Variants in GPR142 observed in about 807,000 individuals in gnomAD.
GPR142 encodes G protein-coupled receptor 142.
GPR142 carries 9 observed loss-of-function variants against 10.6 expected under a neutral mutation model. The ratio of observed to expected loss-of-function variants is 0.85; its 90% CI spans 0.51 to 1.48. The LOEUF is 1.48. GPR142 is among the 40% of genes most tolerant of loss of function. The pLI, the probability that GPR142 is intolerant of heterozygous loss-of-function variation, is 0.00. For synonymous variants in GPR142, 202 were observed against 221.2 expected (o/e 0.91, Z 0.77); for missense variants, 482 against 506.0 (o/e 0.95, Z 0.45).
chr17:74,371,893 C>T lies in GPR142; in HGVS notation c.418C>T (p.Gln140Ter), dbSNP rs2055029681. Residue 140 changes from glutamine (Q) to a stop codon, truncating the protein, a stop_gained, in exon 4 of 4, where the codon CAG (glutamine) becomes TAG (stop). Coordinates refer to ENST00000582579, the MANE Select transcript of GPR142 (RefSeq NM_001331076.1). LOFTEE classifies it low-confidence loss of function (END_TRUNC). ...QGAVLARQVP[Q>*]AVVRTANILE... is the part of the protein sequence containing the mutation. ...AGCAGTGCTGGCCCGCCAGGTGCCC[C>T]AGGCTGTGGTGCGCACGGCCAACAT... The T allele has an allele frequency of 6.2e-7, 1 of 1,613,286 alleles. No individual in the cohort carries two copies. Among genetic ancestry groups the T allele is most frequent in the Non-Finnish European group, 8.5e-7 (1 of 1,180,010 alleles).
Position 74,367,547 on chromosome 17 carries a change from G to A in GPR142, c.-321G>A. 6.2e-7 allele frequency: 1 copy of A among 1,614,090 alleles called. No individual in the cohort carries two copies. The highest frequency in any genetic ancestry group is 2.2e-5 in the East Asian group (1 of 44,884). ...TGCCCATGGAGCAAAAGATCCAGTG[G>A]GTCCCCACTTCCCTGCAGGACATCA... On this transcript the variant is annotated 5_prime_UTR_variant, in exon 1 of 4. It introduces an in-frame stop codon into an upstream open reading frame of the 5' UTR. Transcript: ENST00000582579.
chr17:74,369,481 G>C lies in GPR142; in HGVS notation c.-60G>C, dbSNP rs76896732. ...CTGCACTAACAGGCTCAGTGTCTGC[G>C]TAAGGATCCTGGGGCAAACAACCAC... On this transcript the variant is annotated 5_prime_UTR_variant, in exon 2 of 4. Coordinates refer to ENST00000582579, the MANE Select transcript of GPR142 (RefSeq NM_001331076.1). The C allele has an allele frequency of 5.1e-6, 8 of 1,557,128 alleles. No individual in the cohort carries two copies. The highest frequency in any genetic ancestry group is 2.4e-5 in the South Asian group (2 of 84,456).
intron 1 of GPR142, 87 bp downstream of exon 1, chr17:74,367,881 CAGG>C: frequency 1.6e-6 from 2 of 1,280,606 alleles, no homozygotes; most frequent in Non-Finnish European, 2.1e-6. Flanking sequence ...GCTCTGAATC[CAGG>C]GAGCTCTAGT....
Position 74,369,505 on chromosome 17 carries a change from A to AAGTG in GPR142, c.-36_-35insAGTG. The AAGTG allele has an allele frequency of 6.4e-7, 1 of 1,558,842 alleles. No individual in the cohort carries two copies. Among genetic ancestry groups the AAGTG allele is most frequent in the East Asian group, 2.4e-5 (1 of 41,714 alleles). ...CGTAAGGATCCTGGGGCAAACAACC[A>AAGTG]CTTGGAGAGCCAAGGGGTGAGAGGT... On this transcript the variant is annotated 5_prime_UTR_variant, in exon 2 of 4. Coordinates refer to ENST00000582579, the MANE Select transcript of GPR142 (RefSeq NM_001331076.1).
At position 74,369,811 on chromosome 17, in the gene GPR142, C is replaced by T. The variant is rs149211645; in HGVS notation, c.94+177C>T. Among the ~76,000 whole-genome samples, 58 of 152,264 alleles carry T rather than the reference C, an allele frequency of 3.8e-4. No individual in the cohort carries two copies. In the East Asian group the frequency reaches 9.1e-3, roughly 24 times the overall value. On this transcript the variant is annotated intron_variant, in intron 2 of 3. Transcript: ENST00000582579. Reference sequence around the variant, plus strand: ...GCTGGAGTTCAGCCTGAAAGAGACGCGCAGTGTGGCTTCAGGGGAACAGGG... The same window carrying T: ...GCTGGAGTTCAGCCTGAAAGAGACGTGCAGTGTGGCTTCAGGGGAACAGGG...
In GPR142 at chr17:74,372,495, C is replaced by T. The variant is rs372074268; in HGVS notation, c.1020C>T (p.Val340=). 3 of 1,613,596 alleles carry T rather than the reference C, an allele frequency of 1.9e-6. No homozygotes were observed. The highest frequency in any genetic ancestry group is 2.7e-5 in the African/African-American group (2 of 74,962). The change falls in exon 4 of 4, where the codon GTC becomes GTT. Residue 340 remains valine, a synonymous_variant. Coordinates refer to ENST00000582579, the MANE Select transcript of GPR142 (RefSeq NM_001331076.1). Reference sequence around the variant, plus strand: ...CTTTCCGGGCCACTGTCCGACAGGTCATCCACGATGCCTACCTGCCCTGCA... The same window carrying T: ...CTTTCCGGGCCACTGTCCGACAGGTTATCCACGATGCCTACCTGCCCTGCA... ...SKTFRATVRQ[V]IHDAYLPCTL...
In GPR142 at chr17:74,370,654, T is replaced by A. The variant is rs781104565; in HGVS notation, c.228T>A (p.Ser76Arg). The change falls in exon 3 of 4, where the codon AGT becomes AGA. Residue 76 changes from serine (S) to arginine (R), a missense_variant. By Grantham distance (110) the Ser-to-Arg change is moderately radical. Transcript: ENST00000582579. The part of the protein sequence containing the change: ...VAGVIPVIYY[S>R]VLLGLGLPVS... ...GCGTCATCCCTGTCATCTACTACAG[T>A]GTCCTGCTGGGCTTGGGGCTGCCTG... 6.2e-7 allele frequency: 1 copy of A among 1,613,370 alleles called. No homozygotes were observed. Among genetic ancestry groups the A allele is most frequent in the Admixed American group, 1.7e-5 (1 of 59,934 alleles).
chr17:74,372,376 G>A lies in GPR142; in HGVS notation c.901G>A (p.Asp301Asn), dbSNP rs757337190. 2.5e-6 allele frequency: 4 copies of A among 1,614,112 alleles called. No individual in the cohort carries two copies. The highest frequency in any genetic ancestry group is 1.7e-5 in the Admixed American group (1 of 60,026). ...CATGTACGTGGCCCCTGTCCACCGG[G>A]ACTGGAGGGTCCACCTGGCCTTGGA... ...YHMYVAPVHR[D>N]WRVHLALDVA... The change falls in exon 4 of 4, where the codon GAC (aspartate) becomes AAC (asparagine). Residue 301 changes from aspartate to asparagine, a missense_variant. By Grantham distance (23) the Asp-to-Asn change is conservative. Transcript: ENST00000582579.
chr17:74,369,047 A>G (rs984622897), intron 1 of GPR142, among the ~76,000 whole-genome samples: 4 of 151,428 alleles, frequency 2.6e-5, no homozygotes, highest in East Asian at 1.9e-4. Flanking sequence ...GACTTCCCCA[A>G]CTCCTCACAG....
Position 74,371,719 on chromosome 17 carries a change from C to A in GPR142, c.254-10C>A. On this transcript the variant is annotated splice_polypyrimidine_tract_variant and intron_variant, in intron 3 of 3. Transcript: ENST00000582579. ...ATGCCTCTCCCCTCCCTCACCTCGG[C>A]TGCCCTCAGTCAGCCTCCTGACCGC... The A allele has an allele frequency of 6.3e-7, 1 of 1,587,646 alleles. No homozygotes were observed. Among genetic ancestry groups the A allele is most frequent in the Admixed American group, 1.7e-5 (1 of 59,596 alleles).
rs140706912 is a variant in GPR142, at chr17:74,367,535, A to G, written c.-333A>G. On this transcript the variant is annotated 5_prime_UTR_variant, in exon 1 of 4. Transcript: ENST00000582579. ...GTATTATGATGTTGCCCATGGAGCA[A>G]AAGATCCAGTGGGTCCCCACTTCCC... is the stretch of plus-strand genomic sequence containing the variant. The G allele has an allele frequency of 9.3e-6, 15 of 1,614,050 alleles. No individual in the cohort carries two copies. The African/African-American group carries it at 2.0e-4, about 22-fold the overall frequency.
Position 74,367,777 on chromosome 17 carries a change from C to T in GPR142, c.-91C>T. The T allele has an allele frequency of 6.2e-7, 1 of 1,608,288 alleles. No homozygotes were observed. Among genetic ancestry groups the T allele is most frequent in the Non-Finnish European group, 8.5e-7 (1 of 1,176,516 alleles). On this transcript the variant is annotated 5_prime_UTR_variant, in exon 1 of 4. Coordinates refer to ENST00000582579, the MANE Select transcript of GPR142 (RefSeq NM_001331076.1). ...AATCCAGCTGCCTCCCAGAACAGGC[C>T]TTCTATGGGGTGGGATGGTAAGTTG...
Position 74,369,632 on chromosome 17 carries a change from C to G in GPR142, c.92C>G (p.Thr31Arg). The change falls in exon 2 of 4, where the codon ACA becomes AGA. Residue 31 changes from threonine to arginine, a missense_variant and splice_region_variant. Coordinates refer to ENST00000582579, the MANE Select transcript of GPR142 (RefSeq NM_001331076.1). ...PQSMGLEGRE[T>R]AGQPRVTLLP... ...AGCATGGGGCTTGAGGGACGAGAGA[C>G]AGGTAAGGCATCTTGAAGTGGGGTG... The G allele has an allele frequency of 3.2e-6, 5 of 1,544,594 alleles. No homozygotes were observed. The highest frequency in any genetic ancestry group is 4.4e-6 in the Non-Finnish European group (5 of 1,145,072).
At chr17:74,370,768 CT>C in intron 3 of GPR142, 89 bp downstream of exon 3, 1 of 1,286,404 alleles carries the variant, frequency 7.8e-7, no homozygotes, top group East Asian at 2.4e-5. Context: ...TGTTTGACCC[CT>C]GAGGCCCTGG....
In GPR142 at chr17:74,370,579, G is replaced by A. The variant is rs1457808049; in HGVS notation, c.153G>A (p.Glu51=). ...CCCACGTCAGCGGGCTGAGCCAGGA[G>A]TTTGAAAGCCACTGGCCAGAGATCG... ...PTPHVSGLSQ[E]FESHWPEIAE... Residue 51 remains glutamate, a synonymous_variant, in exon 3 of 4, where the codon GAG becomes GAA. Coordinates refer to ENST00000582579, the MANE Select transcript of GPR142 (RefSeq NM_001331076.1). 3.1e-6 allele frequency: 5 copies of A among 1,611,030 alleles called. No individual in the cohort carries two copies. The Admixed American group carries it at 8.4e-5, about 27-fold the overall frequency.
intron 3 of GPR142, 116 bp downstream of exon 3, chr17:74,370,795 T>TC: frequency 1.0e-6 from 1 of 1,004,928 alleles, no homozygotes; most frequent in Admixed American, 2.7e-5. Flanking sequence ...AGACCCCTGG[T>TC]CTTTCCTTGC....
At chr17:74,369,706 AG>A in intron 2 of GPR142, 72 bp downstream of exon 2, 2 of 1,441,656 alleles carry the variant, frequency 1.4e-6, no homozygotes. Context: ...GAGGCAGGTT[AG>A]GGACCTAGAG....
chr17:74,368,883 C>T (rs572017441), intron 1 of GPR142, among the ~76,000 whole-genome samples: 9 of 152,280 alleles, frequency 5.9e-5, no homozygotes, highest in East Asian at 1.9e-4. Flanking sequence ...GAGGATGCCC[C>T]ACCCTGTGCA....
intron 2 of GPR142, among the ~76,000 whole-genome samples, chr17:74,370,238 G>T (rs1292291227): frequency 6.6e-6 from 1 of 152,194 alleles, no homozygotes; most frequent in Non-Finnish European, 1.5e-5. Flanking sequence ...CCCATGGGGA[G>T]GACCCATGGG....
Sources: gnomAD v4.1 joint callset for allele counts (sites outside exome capture counted in the v4.1 genomes callset) on GRCh38, gnomAD v4.1.1 for gene constraint, MANE v1.5 for transcripts, NCBI Gene and HGNC (gene_info 2026-07-23, HGNC 2026-07-21) for gene names.